The following CIT variants were observed in gnomAD, a reference collection of about 807,000 sequenced individuals.
CIT encodes the protein citron Rho-interacting kinase.
A neutral mutation model predicts 272.7 loss-of-function variants in CIT; 79 were observed. That is an observed-to-expected ratio of 0.29 (90% CI 0.24 to 0.35). The LOEUF (loss-of-function observed/expected upper bound fraction) is 0.35, where lower values mean the gene tolerates loss of function less well. Among genes scored for constraint, CIT ranks in the 10% least tolerant of loss-of-function variants. The pLI, the probability that CIT is intolerant of heterozygous loss-of-function variation, is 1.00. For missense variants in CIT, 1,909 were observed against 2,618.3 expected (o/e 0.73, Z 5.91); for synonymous variants, 948 against 995.6 (o/e 0.95, Z 0.90).
At chr12:119,787,212 G>A (rs959101885) in intron 10 of CIT, among the ~76,000 whole-genome samples, 4 of 151,978 alleles carry the variant, frequency 2.6e-5, no homozygotes, top group Admixed American at 6.5e-5. Context: ...CAATCCGCCC[G>A]CCTCAGTCTC....
intron 44 of CIT, 48 bp downstream of exon 44, chr12:119,700,697 A>G (rs1593389341): frequency 6.7e-7 from 1 of 1,487,480 alleles, no homozygotes; most frequent in African/African-American, 1.4e-5. Flanking sequence ...CTTTTCCAGG[A>G]CACCAGCTGC....
chr12:119,782,817 C>T lies in CIT; in HGVS notation c.1546-180G>A, dbSNP rs190842587. The T allele has an allele frequency of 2.7e-4, 166 of 604,160 alleles. No individual in the cohort carries two copies. In the African/African-American group the frequency reaches 2.9e-3, roughly 10 times the overall value. 37.4% of individuals were successfully genotyped at this position (604,160 alleles called of 1,614,324 possible). ...TTCCATCCTGTAAAACCCCTTGGTTCAAGAAACATCATCTCAACCTGGTGA... is the reference window on the plus strand; with the variant it reads ...TTCCATCCTGTAAAACCCCTTGGTTTAAGAAACATCATCTCAACCTGGTGA... On this transcript the variant is annotated intron_variant, in intron 12 of 47. Transcript: ENST00000392521.
intron 22 of CIT, among the ~76,000 whole-genome samples, chr12:119,756,743 C>A (rs148108191): frequency 1.3e-5 from 2 of 151,996 alleles, no homozygotes; most frequent in South Asian, 2.1e-4. Context: ...TCCAGCCCCA[C>A]GTGTTTTCCT....
At chr12:119,705,114 T>A (rs891662264) in intron 40 of CIT, among the ~76,000 whole-genome samples, 1 of 152,120 alleles carries the variant, frequency 6.6e-6, no homozygotes, top group African/African-American at 2.4e-5. Context: ...GGTTTTGCCA[T>A]GTTGGCCAGG....
In CIT at chr12:119,869,105, G is replaced by A. The variant is rs1224409811; in HGVS notation, c.193C>T (p.Pro65Ser). 6.8e-6 allele frequency: 11 copies of A among 1,612,532 alleles called. No homozygotes were observed. Among genetic ancestry groups the A allele is most frequent in the African/African-American group, 1.3e-5 (1 of 74,948 alleles). ...ACGTGCTTAATCTTCATCAGAGCAG[G>A]CTGACTGCATTCTTCAAAGAGAACA... The part of the protein sequence containing the change: ...LFVLFEECSQ[P>S]ALMKIKHVSN... Residue 65 changes from proline to serine, a missense_variant, in exon 3 of 48, where the codon CCT (proline) becomes TCT (serine). Physicochemically the swap from Pro to Ser is moderately conservative, Grantham distance 74. Transcript: ENST00000392521.
At chr12:119,739,311 A>T (rs1251475355) in intron 24 of CIT, among the ~76,000 whole-genome samples, 1 of 152,216 alleles carries the variant, frequency 6.6e-6, no homozygotes, top group Non-Finnish European at 1.5e-5. Flanking sequence ...TGTCTTCAAA[A>T]TATAGAAATG....
At chr12:119,869,540 C>T (rs1266731820) in intron 2 of CIT, among the ~76,000 whole-genome samples, 2 of 152,192 alleles carry the variant, frequency 1.3e-5, no homozygotes, top group Non-Finnish European at 2.9e-5. Flanking sequence ...TTCCATGTTT[C>T]TACAATAGGA....
In CIT at chr12:119,697,734, C is replaced by T; in HGVS notation, c.5807G>A (p.Arg1936Lys). The change falls in exon 46 of 48, where the codon AGG (arginine) becomes AAG (lysine). Residue 1936 changes from arginine (R) to lysine (K), a missense_variant. This residue lies in a region of CIT where 780 missense variants were observed against 1,067.2 expected (regional missense o/e 0.73). Transcript: ENST00000392521. The surrounding 1 kb of genome is among the most constrained non-coding windows in gnomAD (Gnocchi z 4.9). ...YLASSYQDKL[R>K]VICCKGNLVK... ...GAGGTTTCCCTTGCAGCAAATGACC[C>T]TTAATTTATCCTGGTATGAGGACGC... is the stretch of plus-strand genomic sequence containing the variant. 6.2e-7 allele frequency: 1 copy of T among 1,614,148 alleles called. No homozygotes were observed. The highest frequency in any genetic ancestry group is 8.5e-7 in the Non-Finnish European group (1 of 1,180,042).
rs561894355 is a variant in CIT, at chr12:119,704,429, T to G, written c.5238A>C (p.Ala1746=). ...GKIENGLCIC[A]AMPSKVVILR... is the part of the protein sequence containing the mutation. Reference sequence around the variant, plus strand: ...GAATGACGACTTTGCTGGGCATGGCTGCACAGATGCAGAGCCCGTTCTCAA... The same window carrying G: ...GAATGACGACTTTGCTGGGCATGGCGGCACAGATGCAGAGCCCGTTCTCAA... The change falls in exon 41 of 48, where the codon GCA becomes GCC. Residue 1746 remains alanine, a synonymous_variant. Coordinates refer to ENST00000392521, the MANE Select transcript of CIT (RefSeq NM_001206999.2). The G allele has an allele frequency of 2.7e-4, 434 of 1,613,952 alleles. 3 individuals carry two copies. In the South Asian group the frequency reaches 4.6e-3, roughly 17 times the overall value.
intron 23 of CIT, among the ~76,000 whole-genome samples, chr12:119,750,729 T>G (rs1960106158): frequency 6.6e-6 from 1 of 150,876 alleles, no homozygotes; most frequent in Non-Finnish European, 1.5e-5. Context: ...AGAATGAAAC[T>G]ACGTTAAATA....
At chr12:119,817,373 G>T (rs754390826) in intron 9 of CIT, among the ~76,000 whole-genome samples, 12 of 152,030 alleles carry the variant, frequency 7.9e-5, no homozygotes, top group Non-Finnish European at 1.3e-4. Context: ...TTAGCCGGGC[G>T]TGTTGGCGGG....
chr12:119,799,762 G>A (rs1021814480), intron 10 of CIT, among the ~76,000 whole-genome samples: 4 of 151,752 alleles, frequency 2.6e-5, no homozygotes, highest in Admixed American at 6.6e-5. Context: ...CCAAGGCCCC[G>A]GGGGCTGCAT....
At position 119,697,758 on chromosome 12, in the gene CIT, G is replaced by A. The variant is rs776383369; in HGVS notation, c.5783C>T (p.Ala1928Val). The A allele has an allele frequency of 8.1e-6, 13 of 1,614,032 alleles. No homozygotes were observed. The highest frequency in any genetic ancestry group is 4.5e-5 in the East Asian group (2 of 44,896). The change falls in exon 46 of 48, where the codon GCG (alanine) becomes GTG (valine). Residue 1928 changes from alanine (A) to valine (V), a missense_variant. Transcript: ENST00000392521. The surrounding 1 kb of genome is among the most constrained non-coding windows in gnomAD (Gnocchi z 4.9). ...CCTTAATTTATCCTGGTATGAGGAC[G>A]CCAAGTAAATCGCTCCTGAGGAAAT... The part of the protein sequence containing the change: ...PAISSGAIYL[A>V]SSYQDKLRVI...
chr12:119,734,547 A>G, intron 25 of CIT, 190 bp from the exon 26 acceptor site: 1 of 636,026 alleles, frequency 1.6e-6, no homozygotes, highest in South Asian at 1.9e-5. Flanking sequence ...GCCACCTTAG[A>G]GGCAGGATCC....
chr12:119,865,864 CAAAAA>C (rs11366591), intron 3 of CIT, among the ~76,000 whole-genome samples: 2 of 91,418 alleles, frequency 2.2e-5, no homozygotes, highest in Non-Finnish European at 2.2e-5. Context: ...AGCAAGACTC[CAAAAA>C]AAAAAAAAAA....
intron 9 of CIT, among the ~76,000 whole-genome samples, chr12:119,805,076 C>CA (rs33978151): frequency 0.72 from 108,653 of 149,958 alleles, 39,565 homozygotes; most frequent in East Asian, 0.97. Context: ...TTTTTAATAG[C>CA]AAAAAAAAAA....
At chr12:119,868,971 A>G in intron 3 of CIT, 89 bp downstream of exon 3, 1 of 1,465,426 alleles carries the variant, frequency 6.8e-7, no homozygotes, top group East Asian at 2.3e-5. Flanking sequence ...CTTACCGACT[A>G]CTATCAACCA....
chr12:119,741,326 G>A (rs1222948700), intron 24 of CIT, among the ~76,000 whole-genome samples: 2 of 152,178 alleles, frequency 1.3e-5, no homozygotes, highest in Non-Finnish European at 1.5e-5. Context: ...TCAGCATAGT[G>A]GTTACCCTTT....
Position 119,767,193 on chromosome 12 carries a change from A to C in CIT, c.2209-11T>G. The C allele has an allele frequency of 6.2e-7, 1 of 1,601,220 alleles. No individual in the cohort carries two copies. Among genetic ancestry groups the C allele is most frequent in the African/African-American group, 1.3e-5 (1 of 74,744 alleles). ...TTTCTCTTCGAGCTCCTAGACACAA[A>C]AGAAAAGACAGTCAGGTGTGCAGAG... On this transcript the variant is annotated splice_polypyrimidine_tract_variant and intron_variant, in intron 18 of 47. Transcript: ENST00000392521.
Sources: allele counts gnomAD v4.1 joint callset (sites outside exome capture counted in the v4.1 genomes callset), GRCh38; gene constraint gnomAD v4.1.1; regional missense constraint gnomAD v4.1.1; non-coding constraint Gnocchi (gnomAD v3.1); transcripts MANE v1.5; gene names NCBI Gene and HGNC (gene_info 2026-07-23, HGNC 2026-07-21).